Variants in VSTM4 observed in about 807,000 individuals in gnomAD.
The protein encoded by VSTM4 is V-set and transmembrane domain containing 4.
VSTM4 carries 20 observed loss-of-function variants against 36.4 expected under a neutral mutation model. The observed-to-expected ratio is 0.55, with a 90% CI of 0.39 to 0.80. The LOEUF (loss-of-function observed/expected upper bound fraction) is 0.80, where lower values mean the gene tolerates loss of function less well. Ranked by LOEUF, VSTM4 falls within the 30% of genes least tolerant of loss-of-function variation. The pLI is 0.00. For missense variants in VSTM4, 392 were observed against 404.5 expected, an observed-to-expected ratio of 0.97 and a Z score of 0.26; for synonymous variants, 182 against 173.9, an observed-to-expected ratio of 1.05 and a Z score of -0.37.
intron 5 of VSTM4, among the ~76,000 whole-genome samples, chr10:49,058,665 C>T (rs1237228690): frequency 3.9e-5 from 6 of 152,168 alleles, no homozygotes; most frequent in African/African-American, 7.2e-5. Flanking sequence ...ATTTTCCTTC[C>T]GTTTGAACTT....
At chr10:49,089,267 G>A (rs1319713853) in intron 2 of VSTM4, among the ~76,000 whole-genome samples, 1 of 152,174 alleles carries the variant, frequency 6.6e-6, no homozygotes, top group Non-Finnish European at 1.5e-5. Context: ...CACACTAGCT[G>A]TCTAAGTACA....
intron 5 of VSTM4, among the ~76,000 whole-genome samples, chr10:49,050,750 CA>C (rs1179575613): frequency 6.6e-6 from 1 of 152,096 alleles, no homozygotes; most frequent in African/African-American, 2.4e-5. Flanking sequence ...TTCTTATTTC[CA>C]ATATAAAATA....
chr10:49,065,989 C>T (rs1843966622), intron 4 of VSTM4, among the ~76,000 whole-genome samples: 2 of 151,840 alleles, frequency 1.3e-5, no homozygotes, highest in African/African-American at 4.8e-5. Context: ...TAGTATTTAT[C>T]GAACATTTCA....
chr10:49,066,908 T>A (rs1843984060), intron 4 of VSTM4, among the ~76,000 whole-genome samples: 1 of 152,152 alleles, frequency 6.6e-6, no homozygotes, highest in African/African-American at 2.4e-5. Context: ...TAAAGAACCT[T>A]CAAAACAAAA....
At chr10:49,035,024 G>T (rs982640887) in intron 7 of VSTM4, among the ~76,000 whole-genome samples, 1 of 152,230 alleles carries the variant, frequency 6.6e-6, no homozygotes, top group Non-Finnish European at 1.5e-5. Context: ...ACAAGCTACT[G>T]CTCTGCAGGG....
intron 3 of VSTM4, 105 bp from the exon 4 acceptor site, chr10:49,077,431 C>G: frequency 9.8e-7 from 1 of 1,024,198 alleles, no homozygotes; most frequent in Non-Finnish European, 1.5e-6. Flanking sequence ...CCCAGTGCTA[C>G]AGTCAACAAG....
At chr10:49,109,601 A>G (rs536260280) in intron 1 of VSTM4, among the ~76,000 whole-genome samples, 1 of 152,170 alleles carries the variant, frequency 6.6e-6, no homozygotes, top group African/African-American at 2.4e-5. Context: ...CCCTTTTGTC[A>G]TATAACGTTC....
At chr10:49,045,345 T>A (rs1195663691) in intron 7 of VSTM4, among the ~76,000 whole-genome samples, 1 of 151,898 alleles carries the variant, frequency 6.6e-6, no homozygotes, top group Non-Finnish European at 1.5e-5. Flanking sequence ...TAGTGAACAA[T>A]AAACAAATGA....
At chr10:49,082,452 T>A (rs1332871827) in intron 3 of VSTM4, among the ~76,000 whole-genome samples, 1 of 152,148 alleles carries the variant, frequency 6.6e-6, no homozygotes, top group African/African-American at 2.4e-5. Flanking sequence ...TCACCTGAGG[T>A]CGGGAGTTCG....
intron 5 of VSTM4, among the ~76,000 whole-genome samples, chr10:49,056,843 T>G (rs2131969761): frequency 6.6e-6 from 1 of 152,270 alleles, no homozygotes; most frequent in East Asian, 1.9e-4. Flanking sequence ...TATCTGAGAC[T>G]GGGTAATTTA....
At chr10:49,089,059 C>T (rs1167606975) in intron 2 of VSTM4, among the ~76,000 whole-genome samples, 1 of 152,206 alleles carries the variant, frequency 6.6e-6, no homozygotes, top group Admixed American at 6.5e-5. Context: ...AACACATGCT[C>T]ACAGGGTTGA....
At chr10:49,090,555 C>T (rs1232041016) in intron 2 of VSTM4, among the ~76,000 whole-genome samples, 6 of 152,168 alleles carry the variant, frequency 3.9e-5, no homozygotes, top group Non-Finnish European at 8.8e-5. Flanking sequence ...ATGAGACTTC[C>T]ATCCCTTCCC....
chr10:49,115,318 C>A (rs1190696158), intron 1 of VSTM4, 113 bp downstream of exon 1: 10 of 723,842 alleles, frequency 1.4e-5, no homozygotes, highest in Non-Finnish European at 1.5e-5. Context: ...CGCCGCCCCC[C>A]GCCCGCGCCC....
intron 5 of VSTM4, among the ~76,000 whole-genome samples, chr10:49,049,215 C>G (rs1022123138): frequency 6.6e-6 from 1 of 152,184 alleles, no homozygotes. Flanking sequence ...TTCCAACTAC[C>G]TTGACCCTGT....
chr10:49,035,925 A>G (rs1185915893), intron 7 of VSTM4, among the ~76,000 whole-genome samples: 5 of 152,168 alleles, frequency 3.3e-5, no homozygotes, highest in Non-Finnish European at 7.4e-5. Context: ...GTGAATTTCT[A>G]TTGGTCTCTG....
At chr10:49,047,889 T>C (rs991570304) in intron 6 of VSTM4, among the ~76,000 whole-genome samples, 1 of 152,248 alleles carries the variant, frequency 6.6e-6, no homozygotes, top group Admixed American at 6.5e-5. Context: ...GAATATCTCC[T>C]AAATTGACCA....
At position 49,019,573 on chromosome 10, in the gene VSTM4, A is replaced by G. The variant is rs1384208365; in HGVS notation, c.*77T>C. The G allele has an allele frequency of 3.3e-6, 5 of 1,512,856 alleles. No individual in the cohort carries two copies. The highest frequency in any genetic ancestry group is 4.4e-6 in the Non-Finnish European group (5 of 1,128,964). 93.7% of individuals were successfully genotyped at this position (1,512,856 alleles called of 1,614,324 possible). A position where few individuals can be genotyped will look rare whatever the true frequency, so the allele number is the denominator to read the frequency against. On this transcript the variant is annotated 3_prime_UTR_variant, in exon 8 of 8. Transcript: ENST00000332853. ...AGAAGGCATGAGTGAAAATACAGACATAAGGGCTTTGTCTCCAAGGCTTCA... is the reference window on the plus strand; with the variant it reads ...AGAAGGCATGAGTGAAAATACAGACGTAAGGGCTTTGTCTCCAAGGCTTCA...
At position 49,019,776 on chromosome 10, in the gene VSTM4, C is replaced by T; in HGVS notation, c.838-1G>A. 6.2e-7 allele frequency: 1 copy of T among 1,608,202 alleles called. No homozygotes were observed. The highest frequency in any genetic ancestry group is 8.5e-7 in the Non-Finnish European group (1 of 1,177,472). On this transcript the variant is annotated splice_acceptor_variant, in intron 7 of 7. Transcript: ENST00000332853. LOFTEE classifies it high-confidence loss of function. ...TTAAGTTTTCCTCAGCAATCTTTGG[C>T]TATAAAAGAAAAAACAAAACAAAAC... is the stretch of plus-strand genomic sequence containing the variant.
chr10:49,078,721 C>T (rs1320770000), intron 3 of VSTM4, among the ~76,000 whole-genome samples: 64 of 152,156 alleles, frequency 4.2e-4, no homozygotes, highest in Non-Finnish European at 1.3e-4. Context: ...TGTATCTTGA[C>T]TGTATGGATG....
Sources: allele counts gnomAD v4.1 joint callset (sites outside exome capture counted in the v4.1 genomes callset), GRCh38; gene constraint gnomAD v4.1.1; transcripts MANE v1.5; gene names NCBI Gene and HGNC (gene_info 2026-07-23, HGNC 2026-07-21).